Variants in SMC3 observed in about 807,000 individuals in gnomAD.
SMC3 encodes structural maintenance of chromosomes protein 3.
Under a neutral mutation model 171.8 loss-of-function variants are expected in SMC3, and 20 were observed. The observed-to-expected ratio is 0.12, with a 90% confidence interval of 0.08 to 0.17. The LOEUF is 0.17. Ranked by LOEUF, SMC3 falls within the 10% of genes least tolerant of loss-of-function variation. The pLI is 1.00. For missense variants in SMC3, 543 were observed against 1,420.4 expected (o/e 0.38, Z 9.93); for synonymous variants, 464 against 451.1 (o/e 1.03, Z -0.36).
intron 18 of SMC3, among the ~76,000 whole-genome samples, chr10:110,594,715 C>T (rs1303369194): frequency 6.6e-6 from 1 of 152,004 alleles, no homozygotes; most frequent in African/African-American, 2.4e-5. Flanking sequence ...CCCATCTCCC[C>T]CCAAGCTTTG....
chr10:110,569,160 T>C (rs1484965435), intron 2 of SMC3, 147 bp downstream of exon 2: 1 of 667,880 alleles, frequency 1.5e-6, no homozygotes, highest in Admixed American at 2.5e-5. Context: ...TCTGTCTTAT[T>C]GCACTGATGA....
At chr10:110,593,320 C>G in intron 18 of SMC3, 97 bp downstream of exon 18, 2 of 1,294,668 alleles carry the variant, frequency 1.5e-6, no homozygotes, top group African/African-American at 1.5e-5. Context: ...GCCTGTAATC[C>G]CAGCACTTTG....
At chr10:110,596,629 T>A in intron 19 of SMC3, 79 bp downstream of exon 19, 1 of 1,346,010 alleles carries the variant, frequency 7.4e-7, no homozygotes, top group Non-Finnish European at 1.0e-6. Flanking sequence ...AATCTTTTGT[T>A]TTTTCACATA....
rs145835171 is a variant in SMC3, at chr10:110,605,313, T to C, written c.*1011T>C. Among the ~76,000 whole-genome samples, 98 of 152,316 alleles carry C rather than the reference T, an allele frequency of 6.4e-4. No homozygotes were observed. In the Middle Eastern group the frequency reaches 0.017, roughly 26 times the overall value. On this transcript the variant is annotated 3_prime_UTR_variant, in exon 29 of 29. Transcript: ENST00000361804. ...CTGTGACCCTGGAAAACTACCTCAA[T>C]AGTCCTCGTAGCTTTTTGTAGATTC...
intron 19 of SMC3, among the ~76,000 whole-genome samples, chr10:110,597,581 T>C (rs923400424): frequency 3.3e-5 from 5 of 152,230 alleles, no homozygotes; most frequent in African/African-American, 1.2e-4. Flanking sequence ...GCTTTGACCT[T>C]GCAGGGGTCT....
At chr10:110,593,594 C>T (rs1861244020) in intron 18 of SMC3, among the ~76,000 whole-genome samples, 1 of 151,514 alleles carries the variant, frequency 6.6e-6, no homozygotes, top group Non-Finnish European at 1.5e-5. Flanking sequence ...GACATATAAT[C>T]TGTATAATAT....
chr10:110,598,390 C>T, intron 20 of SMC3, 100 bp downstream of exon 20: 1 of 1,299,704 alleles, frequency 7.7e-7, no homozygotes. Context: ...TTTTATGTTT[C>T]ATTTTTGTTT....
Position 110,593,165 on chromosome 10 carries a change from C to T in SMC3, c.1905C>T (p.Ser635=), listed in dbSNP as rs778244209. The T allele has an allele frequency of 6.2e-7, 1 of 1,614,146 alleles. No homozygotes were observed. The highest frequency in any genetic ancestry group is 8.5e-7 in the Non-Finnish European group (1 of 1,179,978). ...HVFGKTLICR[S]MEVSTQLARA... is the part of the protein sequence containing the mutation. ...TTGGAAAGACTCTTATTTGTCGTAG[C>T]ATGGAAGTTTCAACCCAGCTGGCCC... Residue 635 remains serine (S), a synonymous_variant, in exon 18 of 29, where the codon AGC becomes AGT. Transcript: ENST00000361804.
intron 9 of SMC3, 124 bp from the exon 10 acceptor site, chr10:110,582,438 A>G: frequency 1.3e-6 from 1 of 748,646 alleles, no homozygotes; most frequent in Non-Finnish European, 2.2e-6. Flanking sequence ...CATTTTTAAA[A>G]TTTTTGTAGA....
chr10:110,592,542 T>C (rs978984407), intron 17 of SMC3, among the ~76,000 whole-genome samples: 1 of 152,158 alleles, frequency 6.6e-6, no homozygotes, highest in Non-Finnish European at 1.5e-5. Flanking sequence ...AGAGAGGAAA[T>C]GAAATTTTAT....
chr10:110,568,200 T>C (rs1340517074), intron 1 of SMC3: 2 of 373,328 alleles, frequency 5.4e-6, no homozygotes, highest in Non-Finnish European at 9.8e-6. Context: ...GGCTGTGTGG[T>C]CCTGCAGGGG....
At chr10:110,590,641 A>C (rs1398038958) in intron 16 of SMC3, 69 bp downstream of exon 16, 2 of 1,366,878 alleles carry the variant, frequency 1.5e-6, no homozygotes, top group Non-Finnish European at 2.1e-6. Flanking sequence ...CAACTTTTGT[A>C]GTTTTTGTAC....
chr10:110,590,682 G>C, intron 16 of SMC3, 110 bp downstream of exon 16: 1 of 928,192 alleles, frequency 1.1e-6, no homozygotes. Context: ...TTTATATCTC[G>C]GTTCCTTAAC....
Position 110,598,410 on chromosome 10 carries a change from C to CT in SMC3, c.2268+131dup, listed in dbSNP as rs36039586. On this transcript the variant is annotated intron_variant, in intron 20 of 28. Coordinates refer to ENST00000361804, the MANE Select transcript of SMC3 (RefSeq NM_005445.4). ...TGTTTCATTTTTGTTTGGACCCATACTTTTTTTTTTTGAAGACAGAGTCTC... is the reference window on the plus strand; with the variant it reads ...TGTTTCATTTTTGTTTGGACCCATACTTTTTTTTTTTTGAAGACAGAGTCTC... 0.15 allele frequency: 126,183 copies of CT among 835,824 alleles called. 2,200 individuals carry two copies. Among genetic ancestry groups the CT allele is most frequent in the East Asian group, 0.3 (9,534 of 31,538 alleles). 51.8% of individuals were successfully genotyped at this position (835,824 alleles called of 1,614,324 possible).
intron 3 of SMC3, 123 bp downstream of exon 3, chr10:110,573,868 T>TG: frequency 1.4e-6 from 1 of 728,948 alleles, no homozygotes. Flanking sequence ...TATATGGGGT[T>TG]GCAGCTTAGT....
chr10:110,596,069 T>C lies in SMC3; in HGVS notation c.1964-329T>C, dbSNP rs191331630. Among the ~76,000 whole-genome samples the C allele has an allele frequency of 1.7e-4, 26 of 151,568 alleles. No homozygotes were observed. The East Asian group carries it at 4.3e-3, about 25-fold the overall frequency. On this transcript the variant is annotated intron_variant, in intron 18 of 28. Transcript: ENST00000361804. ...CCTGGGCACATAGCAAGACCTGGTC[T>C]CTACAAAAAAGGTGTGGTGGTGCAC...
rs115318607 is a variant in SMC3, at chr10:110,593,640, C to G, written c.1963+417C>G. On this transcript the variant is annotated intron_variant, in intron 18 of 28. Coordinates refer to ENST00000361804, the MANE Select transcript of SMC3 (RefSeq NM_005445.4). ...CTGTATGCATGTCTGATTAATATAT[C>G]TTACAGTATTTTGGAGACATTCTGG... 4.3e-3 allele frequency among the ~76,000 whole-genome samples: 652 copies of G among 152,154 alleles called. 6 individuals are homozygous for G. Among genetic ancestry groups the G allele is most frequent in the African/African-American group, 0.015 (621 of 41,520 alleles).
Position 110,578,580 on chromosome 10 carries a change from G to A in SMC3, c.351-48G>A, listed in dbSNP as rs772674020. The A allele has an allele frequency of 1.0e-5, 14 of 1,397,138 alleles. No individual in the cohort carries two copies. The East Asian group carries it at 3.4e-4, about 33-fold the overall frequency. 86.5% of individuals were successfully genotyped at this position (1,397,138 alleles called of 1,614,324 possible). On this transcript the variant is annotated intron_variant, in intron 6 of 28. Transcript: ENST00000361804. ...GGGCTACTCTACTCATTGCTTAATGGTGCTTTAAAATTATTTATCGGAAAG... is the reference window on the plus strand; with the variant it reads ...GGGCTACTCTACTCATTGCTTAATGATGCTTTAAAATTATTTATCGGAAAG...
chr10:110,575,990 A>T (rs185439443), intron 4 of SMC3, among the ~76,000 whole-genome samples: 2 of 152,340 alleles, frequency 1.3e-5, no homozygotes, highest in South Asian at 4.1e-4. Context: ...CCATATTTGT[A>T]CTTAGATAGT....
Sources: gnomAD v4.1 joint callset for allele counts (sites outside exome capture counted in the v4.1 genomes callset) on GRCh38, gnomAD v4.1.1 for gene constraint, MANE v1.5 for transcripts, NCBI Gene and HGNC (gene_info 2026-07-23, HGNC 2026-07-21) for gene names.